Variants in DIAPH2 observed in about 807,000 individuals in gnomAD.
The protein encoded by DIAPH2 is protein diaphanous homolog 2.
In DIAPH2, 35 loss-of-function variants were observed where a neutral mutation model predicts 92.7. The observed-to-expected ratio is 0.38, with a 90% CI of 0.29 to 0.50. DIAPH2 has a LOEUF of 0.50. DIAPH2 is among the 20% of genes least tolerant of loss of function. The probability of loss-of-function intolerance (pLI) is 0.94; values close to 1 mark genes in which losing one functional copy is unlikely to be tolerated. For missense variants in DIAPH2, 701 were observed against 819.5 expected (o/e 0.86, Z 1.77); for synonymous variants, 301 against 280.4 (o/e 1.07, Z -0.73).
chrX:97,093,323 G>A (rs926615816), intron 19 of DIAPH2, among the ~76,000 whole-genome samples: 4 of 111,416 alleles, frequency 3.6e-5, no homozygotes, highest in Non-Finnish European at 7.5e-5. Flanking sequence ...AGGAAAGCAC[G>A]CCAAACAGAA....
chrX:96,914,774 T>C (rs2065492234), intron 7 of DIAPH2, among the ~76,000 whole-genome samples: 1 of 111,493 alleles, frequency 9.0e-6, no homozygotes, highest in Non-Finnish European at 1.9e-5. Context: ...TCGAAATTGA[T>C]GTTTTTAGTT....
chrX:96,910,115 A>T (rs978497669), intron 5 of DIAPH2, among the ~76,000 whole-genome samples: 3 of 111,105 alleles, frequency 2.7e-5, no homozygotes, highest in African/African-American at 9.8e-5. Context: ...TGCTGTAGTG[A>T]TATCTGCTGA....
At chrX:97,228,821 T>C (rs568106636) in intron 22 of DIAPH2, among the ~76,000 whole-genome samples, 5 of 112,331 alleles carry the variant, frequency 4.5e-5, no homozygotes, top group African/African-American at 1.6e-4. Flanking sequence ...ATGCTAAAAA[T>C]GTAGCTGAGA....
intron 21 of DIAPH2, among the ~76,000 whole-genome samples, chrX:97,122,428 A>G (rs1352115484): frequency 1.8e-5 from 2 of 111,543 alleles, no homozygotes; most frequent in Non-Finnish European, 3.8e-5. Flanking sequence ...GCTGTTTTCA[A>G]TATTTTACAA....
chrX:97,206,456 A>G (rs2067796822), intron 22 of DIAPH2, among the ~76,000 whole-genome samples: 1 of 112,398 alleles, frequency 8.9e-6, no homozygotes, highest in Non-Finnish European at 1.9e-5. Flanking sequence ...ATGATTGTGA[A>G]TATAGTTATC....
chrX:97,214,881 G>A (rs924885514), intron 22 of DIAPH2, among the ~76,000 whole-genome samples: 2 of 101,326 alleles, frequency 2.0e-5, no homozygotes, highest in South Asian at 4.7e-4. Flanking sequence ...TTAAAATGAC[G>A]ATTATAAACT....
intron 16 of DIAPH2, among the ~76,000 whole-genome samples, chrX:96,963,121 CTTCTTTTT>C (rs760651392): frequency 4.5e-5 from 5 of 111,789 alleles, no homozygotes; most frequent in African/African-American, 6.5e-5. Context: ...ATACAACTGG[CTTCTTTTT>C]TTCTTTTTTT....
At chrX:96,807,742 TCAGAGA>T (rs2064638697) in intron 4 of DIAPH2, among the ~76,000 whole-genome samples, 1 of 106,585 alleles carries the variant, frequency 9.4e-6, no homozygotes, top group African/African-American at 3.4e-5. Flanking sequence ...TAAACAGAGG[TCAGAGA>T]CACTAGGCAA....
intron 17 of DIAPH2, among the ~76,000 whole-genome samples, chrX:96,973,809 C>T (rs1217729284): frequency 9.3e-6 from 1 of 107,244 alleles, no homozygotes; most frequent in East Asian, 2.9e-4. Context: ...GATTCTCCTG[C>T]CTCAGCCTCC....
At chrX:96,939,933 G>T (rs1479809896) in intron 12 of DIAPH2, among the ~76,000 whole-genome samples, 1 of 86,430 alleles carries the variant, frequency 1.2e-5, no homozygotes, top group East Asian at 3.0e-4. Flanking sequence ...AAAGTGCTGG[G>T]ATTACAGGCG....
chrX:97,013,196 A>G (rs1437750724), intron 17 of DIAPH2, among the ~76,000 whole-genome samples: 1 of 112,241 alleles, frequency 8.9e-6, no homozygotes, highest in Non-Finnish European at 1.9e-5. Context: ...TTCACTGACA[A>G]CCACATGAAG....
At position 97,095,107 on chromosome X, in the gene DIAPH2, T is replaced by A. The variant is rs1020883679; in HGVS notation, c.2248-4587T>A. 7.5e-5 allele frequency among the ~76,000 whole-genome samples: 4 copies of A among 53,076 alleles called. No homozygotes were observed. The East Asian group carries it at 2.4e-3, about 32-fold the overall frequency. The allele number at this position is 53,076 out of a possible 115,157, so 46.1% of individuals were successfully genotyped here. A position where few individuals can be genotyped will look rare whatever the true frequency, so the allele number is the denominator to read the frequency against. The stretch of plus-strand genomic sequence containing the variant: ...GGAAATGTTTCTTTTTCTTTTTTTT[T>A]TTTTTTTTTTTTTTTTTTTTTTTTT... On this transcript the variant is annotated intron_variant, in intron 19 of 26. Coordinates refer to ENST00000324765, the MANE Select transcript of DIAPH2 (RefSeq NM_006729.5).
intron 23 of DIAPH2, among the ~76,000 whole-genome samples, chrX:97,347,336 A>G (rs58474827): frequency 0.093 from 10,040 of 108,512 alleles, 667 homozygotes; most frequent in African/African-American, 0.24. Flanking sequence ...TAATCTGCTC[A>G]CCTTGGCCTC....
chrX:97,521,252 C>T (rs1405441046), intron 26 of DIAPH2, among the ~76,000 whole-genome samples: 1 of 111,890 alleles, frequency 8.9e-6, no homozygotes, highest in Non-Finnish European at 1.9e-5. Context: ...AATAAATTTC[C>T]GTTGTTTACA....
chrX:96,981,175 G>GAA (rs34704752), intron 17 of DIAPH2, among the ~76,000 whole-genome samples: 1 of 102,924 alleles, frequency 9.7e-6, no homozygotes, highest in African/African-American at 3.5e-5. Flanking sequence ...CCTATCTCGG[G>GAA]AAAAAAAAAA....
chrX:96,910,795 A>G (rs1433122776), intron 5 of DIAPH2, among the ~76,000 whole-genome samples: 3 of 111,548 alleles, frequency 2.7e-5, no homozygotes. Flanking sequence ...AACTATCTTT[A>G]GAGAATTTAC....
At chrX:97,053,998 T>C (rs2066538536) in intron 17 of DIAPH2, among the ~76,000 whole-genome samples, 1 of 111,838 alleles carries the variant, frequency 8.9e-6, no homozygotes, top group Middle Eastern at 4.6e-3. Context: ...TCTGTCTTAG[T>C]TTTATCTGCC....
At chrX:96,741,644 C>G (rs989992375) in intron 3 of DIAPH2, among the ~76,000 whole-genome samples, 2 of 109,521 alleles carry the variant, frequency 1.8e-5, no homozygotes, top group Non-Finnish European at 3.8e-5. Context: ...CCATACCCAG[C>G]TAATCATTTT....
chrX:97,602,760 G>A lies in DIAPH2; in HGVS notation c.*3443G>A, dbSNP rs2071602924. ...CTCGGGATGGTGCTTCCTTTATCTT[G>A]AAGGGTGGCACATGTTTGCAGCTGA... On this transcript the variant is annotated 3_prime_UTR_variant, in exon 27 of 27. Transcript: ENST00000324765. 1 of 112,056 alleles carries A rather than the reference G, an allele frequency of 8.9e-6. No homozygotes were observed. The highest frequency in any genetic ancestry group is 3.2e-5 in the African/African-American group (1 of 30,787). The allele number at this position is 112,056 out of a possible 1,213,427, so 9.2% of individuals were successfully genotyped here.
Sources: gnomAD v4.1 joint callset for allele counts (sites outside exome capture counted in the v4.1 genomes callset) on GRCh38, gnomAD v4.1.1 for gene constraint, MANE v1.5 for transcripts, NCBI Gene and HGNC (gene_info 2026-07-23, HGNC 2026-07-21) for gene names.